ANTXR1: variants seen among roughly 807,000 people sequenced by gnomAD.
ANTXR1 encodes anthrax toxin receptor 1.
ANTXR1 carries 19 observed loss-of-function variants against 78.1 expected under a neutral mutation model. The ratio of observed to expected loss-of-function variants is 0.24; its 90% CI spans 0.17 to 0.36. ANTXR1 has a LOEUF of 0.36. Among genes scored for constraint, ANTXR1 ranks in the 10% least tolerant of loss-of-function variants. The pLI is 1.00. For missense variants in ANTXR1, 518 were observed against 718.6 expected (o/e 0.72, Z 3.19); for synonymous variants, 273 against 260.5 (o/e 1.05, Z -0.46).
At chr2:69,177,662 T>C (rs1304317140) in intron 14 of ANTXR1, among the ~76,000 whole-genome samples, 1 of 152,198 alleles carries the variant, frequency 6.6e-6, no homozygotes, top group East Asian at 1.9e-4. Context: ...ACTCCTCGCT[T>C]CTTCCGCGTT....
chr2:69,164,135 A>G (rs1478429125), intron 13 of ANTXR1, among the ~76,000 whole-genome samples: 1 of 152,234 alleles, frequency 6.6e-6, no homozygotes, highest in Non-Finnish European at 1.5e-5. Flanking sequence ...AATGGAGTCT[A>G]TAATCACAGG....
chr2:69,167,172 AG>A (rs1673849220), intron 13 of ANTXR1, among the ~76,000 whole-genome samples: 1 of 152,184 alleles, frequency 6.6e-6, no homozygotes, highest in Non-Finnish European at 1.5e-5. Context: ...ACACAGTGGG[AG>A]GGAAGTAAGG....
chr2:69,193,319 ATTTGT>A lies in ANTXR1; in HGVS notation c.1354-12_1354-8del. ...CTGGTTTCATATGTAATCTTGGTGC[ATTTGT>A]TTTATTTCAGGGAAAACTCGATGCC... On this transcript the variant is annotated splice_polypyrimidine_tract_variant and intron_variant, in intron 16 of 17. Coordinates refer to ENST00000303714, the MANE Select transcript of ANTXR1 (RefSeq NM_032208.3). 6.2e-7 allele frequency: 1 copy of A among 1,613,368 alleles called. No homozygotes were observed. The highest frequency in any genetic ancestry group is 2.2e-5 in the East Asian group (1 of 44,872).
intron 17 of ANTXR1, among the ~76,000 whole-genome samples, chr2:69,195,851 A>AT (rs923667351): frequency 1.4e-4 from 21 of 150,990 alleles, no homozygotes; most frequent in Admixed American, 4.6e-4. Context: ...GTATGACCCC[A>AT]TTTTTTTTTC....
At chr2:69,085,649 A>G (rs189875129) in intron 8 of ANTXR1, among the ~76,000 whole-genome samples, 151 of 152,334 alleles carry the variant, frequency 9.9e-4, no homozygotes, top group African/African-American at 3.4e-3. Context: ...ATAAGTAAAA[A>G]CAAACCCAGT....
chr2:69,213,035 G>GGCCTCAAGCAACCCTCCT (rs1675085504), intron 17 of ANTXR1, among the ~76,000 whole-genome samples: 1 of 141,664 alleles, frequency 7.1e-6, no homozygotes. Flanking sequence ...TCAAACTCCT[G>GGCCTCAAGCAACCCTCCT]GCCTCAAGCA....
At chr2:69,074,419 T>C (rs148610224) in intron 6 of ANTXR1, among the ~76,000 whole-genome samples, 24 of 152,240 alleles carry the variant, frequency 1.6e-4, no homozygotes, top group Middle Eastern at 3.4e-3. Flanking sequence ...AGGCTTAAGA[T>C]AGGGATTAGT....
At chr2:69,023,881 G>T (rs1390024682) in intron 1 of ANTXR1, among the ~76,000 whole-genome samples, 1 of 152,108 alleles carries the variant, frequency 6.6e-6, no homozygotes, top group African/African-American at 2.4e-5. Flanking sequence ...TAAAGAAAAA[G>T]GCAACATTTA....
chr2:69,096,392 G>A (rs1345999635), intron 9 of ANTXR1, among the ~76,000 whole-genome samples: 2 of 138,704 alleles, frequency 1.4e-5, no homozygotes, highest in Non-Finnish European at 3.1e-5. Context: ...AAGGAAGGAA[G>A]GAAGGAAGGA....
intron 12 of ANTXR1, among the ~76,000 whole-genome samples, chr2:69,128,227 GAA>G (rs199694251): frequency 7.2e-6 from 1 of 139,132 alleles, no homozygotes. Context: ...TCCATCTCTG[GAA>G]AAAAAAAAAA....
At chr2:69,104,220 T>A (rs1671732076) in intron 10 of ANTXR1, among the ~76,000 whole-genome samples, 2 of 152,192 alleles carry the variant, frequency 1.3e-5, no homozygotes, top group African/African-American at 4.8e-5. Context: ...ATTACAGGTG[T>A]GAGCCACCAC....
intron 9 of ANTXR1, among the ~76,000 whole-genome samples, chr2:69,093,327 C>T (rs1215156759): frequency 6.6e-6 from 1 of 152,130 alleles, no homozygotes; most frequent in Admixed American, 6.5e-5. Context: ...GAAGCAAAAT[C>T]TAAAATTAAT....
rs184746372 is a variant in ANTXR1 at position 69,164,024 on chromosome 2, C to T, written c.1048-6224C>T. 1.8e-3 allele frequency among the ~76,000 whole-genome samples: 272 copies of T among 152,252 alleles called. 1 individual carries two copies. The highest frequency in any genetic ancestry group is 6.3e-3 in the African/African-American group (261 of 41,538). On this transcript the variant is annotated intron_variant, in intron 13 of 17. Transcript: ENST00000303714. ...TGTTTAACTACCACATATGAACAGTCACAAGTTACATATCTGTGTTGGAAC... is the reference window on the plus strand; with the variant it reads ...TGTTTAACTACCACATATGAACAGTTACAAGTTACATATCTGTGTTGGAAC...
intron 8 of ANTXR1, among the ~76,000 whole-genome samples, chr2:69,082,084 A>G (rs942706727): frequency 6.6e-6 from 1 of 152,208 alleles, no homozygotes; most frequent in Non-Finnish European, 1.5e-5. Context: ...TCAGAGAGGA[A>G]GACACTGAGG....
intron 3 of ANTXR1, among the ~76,000 whole-genome samples, chr2:69,053,383 T>C (rs2104126864): frequency 6.6e-6 from 1 of 152,296 alleles, no homozygotes; most frequent in East Asian, 1.9e-4. Context: ...TGGTCAGGTG[T>C]AGATGCTGGA....
chr2:69,182,686 A>G lies in ANTXR1; in HGVS notation c.1353+26A>G, dbSNP rs192482970. ...GTGTGTCTCTTTACTCAAAAAATCT[A>G]TCATCAGTCCTGATAAAACACTTAC... On this transcript the variant is annotated intron_variant, in intron 16 of 17. Coordinates refer to ENST00000303714, the MANE Select transcript of ANTXR1 (RefSeq NM_032208.3). 2.6e-5 allele frequency: 42 copies of G among 1,614,122 alleles called. No homozygotes were observed. In the Admixed American group the frequency reaches 4.8e-4, roughly 19 times the overall value.
intron 3 of ANTXR1, among the ~76,000 whole-genome samples, chr2:69,069,459 G>A (rs969785424): frequency 3.9e-5 from 6 of 152,284 alleles, no homozygotes; most frequent in Admixed American, 2.0e-4. Flanking sequence ...ACAGAGCCTG[G>A]CACCATAAGT....
chr2:69,154,422 G>A (rs1334606400), intron 13 of ANTXR1, among the ~76,000 whole-genome samples: 2 of 152,144 alleles, frequency 1.3e-5, no homozygotes, highest in African/African-American at 2.4e-5. Flanking sequence ...CTTCCTTGAT[G>A]AGGGGTGATG....
At chr2:69,244,244 G>A (rs1282613692) in intron 17 of ANTXR1, among the ~76,000 whole-genome samples, 1 of 152,214 alleles carries the variant, frequency 6.6e-6, no homozygotes, top group East Asian at 1.9e-4. Context: ...GGGTTCCAGG[G>A]TCTTCTCTGC....
Sources: gnomAD v4.1 joint callset for allele counts (sites outside exome capture counted in the v4.1 genomes callset) on GRCh38, gnomAD v4.1.1 for gene constraint, MANE v1.5 for transcripts, NCBI Gene and HGNC (gene_info 2026-07-23, HGNC 2026-07-21) for gene names.